SEM1: variants seen among roughly 807,000 people sequenced by gnomAD.
The protein encoded by SEM1 is 26S proteasome complex subunit SEM1.
Under a neutral mutation model 12.7 loss-of-function variants are expected in SEM1, and 3 were observed. That is an observed-to-expected ratio of 0.24 (90% confidence interval 0.11 to 0.61). The LOEUF (loss-of-function observed/expected upper bound fraction) is 0.61, where lower values mean the gene tolerates loss of function less well. Among genes scored for constraint, SEM1 ranks in the 20% least tolerant of loss-of-function variants. The pLI is 0.88. For missense variants in SEM1, 59 were observed against 81.3 expected, an observed-to-expected ratio of 0.73 and a Z score of 1.06; for synonymous variants, 30 against 27.8, an observed-to-expected ratio of 1.08 and a Z score of -0.25.
In SEM1 at chr7:96,606,110, TTA is replaced by T. The variant is rs200281416; in HGVS notation, c.170+88686_170+88687del. ...TTGTTATACTTGTTCTATTTTATTA[TTA>T]GTTATTGTTGTTAATCTCTTACTAT... is the stretch of plus-strand genomic sequence containing the variant. On this transcript the variant is annotated intron_variant and NMD_transcript_variant, in intron 2 of 3. Transcript: ENST00000466986. Among the ~76,000 whole-genome samples the T allele has an allele frequency of 1.4e-3, 218 of 152,360 alleles. 6 individuals are homozygous for T. In the East Asian group the frequency reaches 0.035, roughly 24 times the overall value.
At chr7:96,580,347 A>G (rs1236278509) in intron 2 of SEM1, among the ~76,000 whole-genome samples, 4 of 148,144 alleles carry the variant, frequency 2.7e-5, no homozygotes, top group African/African-American at 1.0e-4. Flanking sequence ...TATGTGCCAC[A>G]TTTTCTTAAT....
chr7:96,671,412 C>T (rs1016229063), downstream of SEM1, among the ~76,000 whole-genome samples: 22 of 152,050 alleles, frequency 1.4e-4, no homozygotes, highest in African/African-American at 5.1e-4. Context: ...TTATGAAGAA[C>T]TTTACTAGAT....
intron 2 of SEM1, among the ~76,000 whole-genome samples, chr7:96,533,377 C>T (rs1804697187): frequency 6.6e-6 from 1 of 152,076 alleles, no homozygotes; most frequent in Non-Finnish European, 1.5e-5. Flanking sequence ...TGATCATTAC[C>T]TGCTACTACC....
In SEM1 at chr7:96,485,207, C is replaced by T. The variant is rs576513443; in HGVS notation, c.228-353G>A. The stretch of plus-strand genomic sequence containing the variant: ...TTTAAGTCAGAATGACCAGTGTTAA[C>T]CCATTACCAACTATATTGGTTTCCT... On this transcript the variant is annotated intron_variant, in intron 2 of 3. Transcript: ENST00000356686. 1.8e-4 allele frequency among the ~76,000 whole-genome samples: 27 copies of T among 152,300 alleles called. No homozygotes were observed. The South Asian group carries it at 5.4e-3, about 30-fold the overall frequency.
rs139036022 is a variant in SEM1 at position 96,628,588 on chromosome 7, T to C, written c.171-5945A>G. On this transcript the variant is annotated intron_variant, in intron 2 of 2. Transcript: ENST00000417009. ...TTTGTTGTTTGTATTTATATCTTAC[T>C]ATACTGCCTATGTCTTAAAAAGTTC... Among the ~76,000 whole-genome samples, 195 of 152,330 alleles carry C rather than the reference T, an allele frequency of 1.3e-3. 1 individual carries two copies. Among genetic ancestry groups the C allele is most frequent in the South Asian group, 5.0e-3 (24 of 4,828 alleles).
At chr7:96,534,613 T>C (rs1804735639) in intron 2 of SEM1, among the ~76,000 whole-genome samples, 1 of 152,044 alleles carries the variant, frequency 6.6e-6, no homozygotes, top group African/African-American at 2.4e-5. Context: ...TTTGGTGTAG[T>C]ATCACAGAAT....
intron 2 of SEM1, among the ~76,000 whole-genome samples, chr7:96,588,532 C>A (rs995547665): frequency 2.0e-5 from 3 of 151,886 alleles, no homozygotes; most frequent in Admixed American, 2.0e-4. Flanking sequence ...ATAGAAGTAC[C>A]ACTACTCTCT....
chr7:96,642,593 A>C (rs1222683989), intron 2 of SEM1, among the ~76,000 whole-genome samples: 1 of 150,988 alleles, frequency 6.6e-6, no homozygotes, highest in Non-Finnish European at 1.5e-5. Context: ...CTAGGCACCA[A>C]GCTATGATTT....
intron 2 of SEM1, among the ~76,000 whole-genome samples, chr7:96,566,074 TTAATC>T (rs2115944848): frequency 6.6e-6 from 1 of 151,942 alleles, no homozygotes; most frequent in African/African-American, 2.4e-5. Flanking sequence ...GTGACATTAA[TTAATC>T]TATTTAATTT....
chr7:96,520,329 T>G (rs1483148584), intron 2 of SEM1, among the ~76,000 whole-genome samples: 1 of 152,198 alleles, frequency 6.6e-6, no homozygotes, highest in Non-Finnish European at 1.5e-5. Flanking sequence ...TTTTCTCATC[T>G]GTAGAATTGG....
At chr7:96,669,131 G>C (rs1789244738), downstream of SEM1, among the ~76,000 whole-genome samples, 1 of 152,130 alleles carries the variant, frequency 6.6e-6, no homozygotes, top group Non-Finnish European at 1.5e-5. Flanking sequence ...CTGTTGCTTT[G>C]AGTCACCCAG....
chr7:96,630,216 G>A (rs376677938), intron 2 of SEM1, among the ~76,000 whole-genome samples: 3 of 152,202 alleles, frequency 2.0e-5, no homozygotes, highest in African/African-American at 7.2e-5. Flanking sequence ...TTCCTTTCAG[G>A]TGGTGAGTTC....
chr7:96,499,596 C>A (rs1281439841), upstream of SEM1, among the ~76,000 whole-genome samples: 1 of 152,190 alleles, frequency 6.6e-6, no homozygotes, highest in Admixed American at 6.6e-5. Flanking sequence ...AAAGATGGAA[C>A]TACTAAGTCC....
rs770782860 is a variant in SEM1, at chr7:96,694,784, G to A, written c.170+14C>T. The A allele has an allele frequency of 1.4e-4, 218 of 1,525,814 alleles. No individual in the cohort carries two copies. Among genetic ancestry groups the A allele is most frequent in the Admixed American group, 5.0e-5 (3 of 59,652 alleles). 94.5% of individuals were successfully genotyped at this position (1,525,814 alleles called of 1,614,324 possible). A position where few individuals can be genotyped will look rare whatever the true frequency, so the allele number is the denominator to read the frequency against. On this transcript the variant is annotated intron_variant, in intron 2 of 2. Coordinates refer to ENST00000248566, the MANE Select transcript of SEM1 (RefSeq NM_006304.2). ...TAATACTGAACTACAATAAAAATCT[G>A]GCTTAAAACTTACCGTAACTGATTA...
intron 2 of SEM1, among the ~76,000 whole-genome samples, chr7:96,663,859 G>A (rs1015537212): frequency 1.7e-4 from 26 of 152,136 alleles, no homozygotes; most frequent in Non-Finnish European, 3.1e-4. Context: ...CAAAGCAGGC[G>A]TTTCACTGAA....
downstream of SEM1, chr7:96,622,432 C>T (rs934975665): frequency 1.1e-4 from 58 of 530,824 alleles, 1 homozygote; most frequent in Admixed American, 1.9e-4. Context: ...AAACAGTAGT[C>T]GATTCAGGAG....
chr7:96,650,301 C>G, intron 2 of SEM1: 1 of 484,478 alleles, frequency 2.1e-6, no homozygotes. Flanking sequence ...AACAATCCCT[C>G]TCCTTCAGCT....
intron 1 of SEM1, among the ~76,000 whole-genome samples, chr7:96,701,370 C>T (rs55837946): frequency 0.34 from 52,090 of 151,814 alleles, 10,343 homozygotes; most frequent in East Asian, 0.67. Context: ...CCTTAAGAGA[C>T]ACCAGAGAGC....
At chr7:96,652,894 G>A (rs914341270) in intron 2 of SEM1, among the ~76,000 whole-genome samples, 1 of 152,152 alleles carries the variant, frequency 6.6e-6, no homozygotes, top group Non-Finnish European at 1.5e-5. Flanking sequence ...AACCATTAAT[G>A]TTGACACACT....
Sources: gnomAD v4.1 joint callset for allele counts (sites outside exome capture counted in the v4.1 genomes callset) on GRCh38, gnomAD v4.1.1 for gene constraint, MANE v1.5 for transcripts, NCBI Gene and HGNC (gene_info 2026-07-23, HGNC 2026-07-21) for gene names.